The following TRHDE variants were observed in gnomAD, a reference collection of about 807,000 sequenced individuals.
TRHDE encodes the protein thyrotropin-releasing hormone-degrading ectoenzyme.
Under a neutral mutation model 125.7 loss-of-function variants are expected in TRHDE, and 72 were observed. The ratio of observed to expected loss-of-function variants is 0.57; its 90% CI spans 0.47 to 0.70. TRHDE has a LOEUF of 0.70. Ranked by LOEUF, TRHDE falls within the 30% of genes least tolerant of loss-of-function variation. The probability of loss-of-function intolerance (pLI) is 0.00; values close to 1 mark genes in which losing one functional copy is unlikely to be tolerated. For synonymous variants in TRHDE, 509 were observed against 509.1 expected (o/e 1.00, Z 0.00); for missense variants, 1,110 against 1,327.1 (o/e 0.84, Z 2.54).
intron 2 of TRHDE, among the ~76,000 whole-genome samples, chr12:72,259,080 A>G (rs568407878): frequency 1.3e-5 from 2 of 152,236 alleles, no homozygotes; most frequent in South Asian, 4.1e-4. Context: ...TCTGTTTCTC[A>G]TCTCACTTTC....
At chr12:72,557,147 G>C (rs900342249) in intron 7 of TRHDE, among the ~76,000 whole-genome samples, 9 of 152,212 alleles carry the variant, frequency 5.9e-5, no homozygotes, top group African/African-American at 2.2e-4. Flanking sequence ...ATGGTGCAAT[G>C]TTGACAGATG....
At chr12:72,312,642 G>A (rs1448983405) in intron 2 of TRHDE, among the ~76,000 whole-genome samples, 1 of 152,124 alleles carries the variant, frequency 6.6e-6, no homozygotes, top group South Asian at 2.1e-4. Context: ...CACATTTTCC[G>A]GGAGGTCACG....
At chr12:72,397,164 T>C (rs1214720185) in intron 3 of TRHDE, among the ~76,000 whole-genome samples, 1 of 152,246 alleles carries the variant, frequency 6.6e-6, no homozygotes, top group East Asian at 1.9e-4. Flanking sequence ...AGGCTGCTCT[T>C]GTAAAACAGA....
intron 2 of TRHDE, among the ~76,000 whole-genome samples, chr12:72,221,996 C>T (rs1878010554): frequency 6.6e-6 from 1 of 152,034 alleles, no homozygotes; most frequent in Non-Finnish European, 1.5e-5. Context: ...TCATGGGTGA[C>T]TTTGGGCTGC....
chr12:72,367,076 A>G (rs1871367648), intron 2 of TRHDE, among the ~76,000 whole-genome samples: 1 of 152,042 alleles, frequency 6.6e-6, no homozygotes. Flanking sequence ...CCTCCTTCTT[A>G]GCACTGAGAT....
At chr12:72,297,532 GT>G (rs1880347349) in intron 2 of TRHDE, among the ~76,000 whole-genome samples, 1 of 152,196 alleles carries the variant, frequency 6.6e-6, no homozygotes, top group East Asian at 1.9e-4. Flanking sequence ...TCCTGAACAG[GT>G]TGGGAGAATC....
intron 3 of TRHDE, among the ~76,000 whole-genome samples, chr12:72,388,880 A>G (rs1032393856): frequency 6.6e-6 from 1 of 151,220 alleles, no homozygotes; most frequent in Non-Finnish European, 1.5e-5. Flanking sequence ...TGAAATAAGT[A>G]TCTAGTTGCC....
At chr12:72,444,095 C>T (rs1875155283) in intron 3 of TRHDE, among the ~76,000 whole-genome samples, 1 of 151,820 alleles carries the variant, frequency 6.6e-6, no homozygotes, top group Non-Finnish European at 1.5e-5. Context: ...ATGCCTTGGC[C>T]TTGGGCCACA....
intron 10 of TRHDE, among the ~76,000 whole-genome samples, chr12:72,569,059 GT>G (rs1212735399): frequency 6.6e-6 from 1 of 152,022 alleles, no homozygotes; most frequent in African/African-American, 2.4e-5. Flanking sequence ...TCTTTAAAAG[GT>G]GAGAGAGGCA....
chr12:72,568,292 T>C (rs1042814670), intron 9 of TRHDE, among the ~76,000 whole-genome samples: 1 of 152,098 alleles, frequency 6.6e-6, no homozygotes, highest in Admixed American at 6.5e-5. Context: ...TATTTCAAAT[T>C]CAAAATGCGA....
intron 2 of TRHDE, among the ~76,000 whole-genome samples, chr12:72,324,793 T>G (rs1036809416): frequency 2.0e-5 from 3 of 152,300 alleles, no homozygotes; most frequent in African/African-American, 7.2e-5. Flanking sequence ...CATCCCTAGA[T>G]TTCTGTATCA....
intron 6 of TRHDE, among the ~76,000 whole-genome samples, chr12:72,514,589 T>C (rs1473155501): frequency 6.6e-6 from 1 of 151,904 alleles, no homozygotes; most frequent in Non-Finnish European, 1.5e-5. Context: ...TGAGAATTGG[T>C]AACACATGGA....
Position 72,378,032 on chromosome 12 carries a change from G to T in TRHDE, c.1226G>T (p.Gly409Val). ...LYARPDAIRR[G>V]SGDYALHITK... ...GCAAGACCTGATGCTATCAGAAGAG[G>T]ATCCGGGGACTATGCTCTCCATATA... The change falls in exon 3 of 19, where the codon GGA (glycine) becomes GTA (valine). Residue 409 changes from glycine to valine, a missense_variant. Around this residue, in one of 5 missense-constraint regions of TRHDE, gnomAD observed 252 missense variants for 274.8 expected, o/e 0.92. Coordinates refer to ENST00000261180, the MANE Select transcript of TRHDE (RefSeq NM_013381.3). The T allele has an allele frequency of 1.2e-6, 2 of 1,605,904 alleles. No individual in the cohort carries two copies. The highest frequency in any genetic ancestry group is 1.7e-6 in the Non-Finnish European group (2 of 1,175,376).
intron 12 of TRHDE, among the ~76,000 whole-genome samples, chr12:72,606,784 A>G (rs949722211): frequency 1.4e-4 from 22 of 152,242 alleles, no homozygotes; most frequent in South Asian, 2.1e-4. Flanking sequence ...TGCATCAACA[A>G]TTGTTTACTC....
At chr12:72,290,550 G>C (rs1880048676) in intron 2 of TRHDE, among the ~76,000 whole-genome samples, 1 of 152,328 alleles carries the variant, frequency 6.6e-6, no homozygotes, top group African/African-American at 2.4e-5. Flanking sequence ...GAAGGGCACA[G>C]TGGTGGCAAC....
chr12:72,484,818 T>C (rs1262297893), intron 5 of TRHDE, among the ~76,000 whole-genome samples: 1 of 152,126 alleles, frequency 6.6e-6, no homozygotes, highest in Non-Finnish European at 1.5e-5. Flanking sequence ...TTAGTGCTCT[T>C]TTCCCCCACA....
chr12:72,181,884 C>T (rs1455943176), intron 2 of TRHDE, among the ~76,000 whole-genome samples: 2 of 152,090 alleles, frequency 1.3e-5, no homozygotes, highest in African/African-American at 4.8e-5. Flanking sequence ...GCCTACACCT[C>T]CCACTTATTA....
chr12:72,404,467 AC>A (rs1873182461), intron 3 of TRHDE, among the ~76,000 whole-genome samples: 1 of 152,096 alleles, frequency 6.6e-6, no homozygotes, highest in Non-Finnish European at 1.5e-5. Context: ...AAAACAAAAA[AC>A]AAAAACACAT....
intron 2 of TRHDE, among the ~76,000 whole-genome samples, chr12:72,221,188 A>G (rs1241906889): frequency 1.3e-5 from 2 of 152,106 alleles, no homozygotes; most frequent in African/African-American, 4.8e-5. Flanking sequence ...CAATATGCCT[A>G]TTAGAAAATA....
Sources: allele counts gnomAD v4.1 joint callset (sites outside exome capture counted in the v4.1 genomes callset), GRCh38; gene constraint gnomAD v4.1.1; regional missense constraint gnomAD v4.1.1; transcripts MANE v1.5; gene names NCBI Gene and HGNC (gene_info 2026-07-23, HGNC 2026-07-21).